Variants in GLI3 observed in about 807,000 individuals in gnomAD.
The protein encoded by GLI3 is GLI family zinc finger 3, also known as transcription activator GLI3.
Under a neutral mutation model 100.8 loss-of-function variants are expected in GLI3, and 20 were observed. The observed-to-expected ratio is 0.20, with a 90% CI of 0.14 to 0.29. GLI3 has a LOEUF of 0.29. Among genes scored for constraint, GLI3 ranks in the 10% least tolerant of loss-of-function variants. The probability of loss-of-function intolerance (pLI) is 1.00; values close to 1 mark genes in which losing one functional copy is unlikely to be tolerated. For missense variants in GLI3, 2,040 were observed against 2,128.5 expected, an observed-to-expected ratio of 0.96 and a Z score of 0.82; for synonymous variants, 938 against 860.5, an observed-to-expected ratio of 1.09 and a Z score of -1.58.
chr7:42,144,431 T>C (rs1354638650), intron 3 of GLI3, among the ~76,000 whole-genome samples: 3 of 152,164 alleles, frequency 2.0e-5, no homozygotes, highest in African/African-American at 7.2e-5. Flanking sequence ...ATACAGCCCG[T>C]CCACTGCGAC....
At chr7:42,044,931 A>C (rs1471472996) in intron 6 of GLI3, among the ~76,000 whole-genome samples, 1 of 152,180 alleles carries the variant, frequency 6.6e-6, no homozygotes, top group African/African-American at 2.4e-5. Flanking sequence ...TCTGTCACCC[A>C]GGCTGGAGTG....
intron 2 of GLI3, chr7:42,172,623 T>C (rs1295225734): frequency 1.1e-5 from 8 of 702,892 alleles, no homozygotes. Flanking sequence ...GCAGCAGGGA[T>C]GGACAGCGCG....
chr7:42,246,847 C>T (rs1416529066), intron 1 of GLI3, among the ~76,000 whole-genome samples: 1 of 102,622 alleles, frequency 9.7e-6, no homozygotes, highest in Non-Finnish European at 1.8e-5. Flanking sequence ...GGGACGATAT[C>T]CTTTCTGCTG....
At chr7:42,137,294 G>A (rs1164366313) in intron 3 of GLI3, among the ~76,000 whole-genome samples, 3 of 152,080 alleles carry the variant, frequency 2.0e-5, no homozygotes, top group Admixed American at 6.5e-5. Flanking sequence ...CTTCACAAAC[G>A]TCACTGCACA....
intron 2 of GLI3, among the ~76,000 whole-genome samples, chr7:42,176,550 G>A (rs770516371): frequency 5.3e-5 from 8 of 152,162 alleles, no homozygotes; most frequent in Non-Finnish European, 1.0e-4. Flanking sequence ...CACAAATAGC[G>A]GGATTGCCAA....
At chr7:42,128,007 A>T (rs1292798546) in intron 3 of GLI3, among the ~76,000 whole-genome samples, 3 of 143,304 alleles carry the variant, frequency 2.1e-5, no homozygotes, top group Non-Finnish European at 3.1e-5. Context: ...CGACAGAGCA[A>T]GACCCTGACT....
chr7:42,256,164 G>A (rs1789083001), intron 1 of GLI3, among the ~76,000 whole-genome samples: 1 of 151,760 alleles, frequency 6.6e-6, no homozygotes, highest in Non-Finnish European at 1.5e-5. Context: ...ATCTTATTGT[G>A]TTGTAAGAGT....
chr7:42,030,704 T>G (rs1167045181), intron 7 of GLI3, among the ~76,000 whole-genome samples: 7 of 151,974 alleles, frequency 4.6e-5, no homozygotes, highest in Non-Finnish European at 5.9e-5. Context: ...TTGTTTTTTT[T>G]TTTTTTGTTT....
chr7:42,084,228 A>C (rs1785054846), intron 3 of GLI3, among the ~76,000 whole-genome samples: 1 of 152,206 alleles, frequency 6.6e-6, no homozygotes, highest in Admixed American at 6.5e-5. Context: ...AAACAGTCAG[A>C]TAGATCCCTT....
At chr7:42,007,412 ACT>A (rs1788487995) in intron 10 of GLI3, among the ~76,000 whole-genome samples, 1 of 152,102 alleles carries the variant, frequency 6.6e-6, no homozygotes, top group Admixed American at 6.5e-5. Flanking sequence ...GATTTTAAAA[ACT>A]CAATGATCAC....
intron 3 of GLI3, among the ~76,000 whole-genome samples, chr7:42,140,576 TACA>T (rs1394815017): frequency 6.6e-6 from 1 of 152,164 alleles, no homozygotes; most frequent in African/African-American, 2.4e-5. Flanking sequence ...TTTCAAAGCG[TACA>T]ACAAGAATCC....
At chr7:42,116,706 G>C (rs1446808760) in intron 3 of GLI3, among the ~76,000 whole-genome samples, 3 of 152,080 alleles carry the variant, frequency 2.0e-5, no homozygotes, top group African/African-American at 7.2e-5. Flanking sequence ...AGTTACAGAG[G>C]TCATCTTACT....
At chr7:42,081,942 G>A (rs1381986597) in intron 3 of GLI3, among the ~76,000 whole-genome samples, 1 of 151,828 alleles carries the variant, frequency 6.6e-6, no homozygotes, top group African/African-American at 2.4e-5. Context: ...CCCTGGCCTT[G>A]GAATTTACTC....
rs1322694184 is a variant in GLI3 at position 42,223,218 on chromosome 7, T to C, written c.36A>G (p.Glu12=). 1 of 1,613,934 alleles carries C rather than the reference T, an allele frequency of 6.2e-7. No individual in the cohort carries two copies. Among genetic ancestry groups the C allele is most frequent in the East Asian group, 2.2e-5 (1 of 44,870 alleles). The change falls in exon 2 of 15, where the codon GAA becomes GAG. Residue 12 remains glutamate (E), a synonymous_variant. Coordinates refer to ENST00000395925, the MANE Select transcript of GLI3 (RefSeq NM_000168.6). ...EAQSHSSTTT[E]KKKVENSIVK... is the part of the protein sequence containing the mutation. Reference sequence around the variant, plus strand: ...CTATGGAATTCTCAACTTTTTTCTTTTCAGTGGTCGTGGAGCTGTGGGACT... The same window carrying C: ...CTATGGAATTCTCAACTTTTTTCTTCTCAGTGGTCGTGGAGCTGTGGGACT...
intron 7 of GLI3, among the ~76,000 whole-genome samples, chr7:42,026,853 A>G (rs1020521224): frequency 2.0e-5 from 3 of 152,202 alleles, no homozygotes; most frequent in Non-Finnish European, 4.4e-5. Flanking sequence ...AGGAAAGAAA[A>G]TCAATTGGTT....
intron 2 of GLI3, among the ~76,000 whole-genome samples, chr7:42,205,544 T>G (rs552299650): frequency 6.6e-6 from 1 of 152,304 alleles, no homozygotes; most frequent in East Asian, 1.9e-4. Flanking sequence ...TTAATAAGCA[T>G]GCAGCCCACT....
At chr7:41,999,430 C>T (rs1788224031) in intron 10 of GLI3, among the ~76,000 whole-genome samples, 1 of 152,198 alleles carries the variant, frequency 6.6e-6, no homozygotes, top group African/African-American at 2.4e-5. Context: ...TTCATTGGCT[C>T]TGGGCTACTG....
At chr7:42,196,363 A>G (rs1037560955) in intron 2 of GLI3, among the ~76,000 whole-genome samples, 2 of 152,182 alleles carry the variant, frequency 1.3e-5, no homozygotes, top group Admixed American at 1.3e-4. Context: ...AGCTGCAGAA[A>G]ATGTGGATGG....
At chr7:42,197,562 G>C (rs758668764) in intron 2 of GLI3, among the ~76,000 whole-genome samples, 76 of 152,208 alleles carry the variant, frequency 5.0e-4, no homozygotes, top group African/African-American at 1.8e-3. Flanking sequence ...TCTTCATTAC[G>C]TAACTTGAAA....
Sources: gnomAD v4.1 joint callset for allele counts (sites outside exome capture counted in the v4.1 genomes callset) on GRCh38, gnomAD v4.1.1 for gene constraint, MANE v1.5 for transcripts, NCBI Gene and HGNC (gene_info 2026-07-23, HGNC 2026-07-21) for gene names.